EIF4E3: variants seen among roughly 807,000 people sequenced by gnomAD.
The protein encoded by EIF4E3 is eukaryotic translation initiation factor 4E type 3.
Under a neutral mutation model 31.7 loss-of-function variants are expected in EIF4E3, and 26 were observed. That is an observed-to-expected ratio of 0.82 (90% CI 0.60 to 1.14). The LOEUF is 1.14. Among genes scored for constraint, EIF4E3 ranks in the 50% most tolerant of loss-of-function variants. EIF4E3 has a pLI of 0.00. For missense variants in EIF4E3, 304 were observed against 270.9 expected (o/e 1.12, Z -0.86); for synonymous variants, 128 against 107.7 (o/e 1.19, Z -1.17).
chr3:71,740,378 TTAAAAC>T (rs760375458), intron 1 of EIF4E3, among the ~76,000 whole-genome samples: 4 of 152,160 alleles, frequency 2.6e-5, no homozygotes, highest in African/African-American at 4.8e-5. Context: ...CAACAATAGA[TTAAAAC>T]TAAAGGACAG....
chr3:71,722,028 G>A (rs866785424), intron 1 of EIF4E3, among the ~76,000 whole-genome samples: 1 of 149,882 alleles, frequency 6.7e-6, no homozygotes, highest in Admixed American at 6.7e-5. Flanking sequence ...GGGAGAAAAG[G>A]GTCCTGGGTG....
chr3:71,754,098 G>T (rs2049972009), upstream of EIF4E3: 1 of 1,374,894 alleles, frequency 7.3e-7, no homozygotes, highest in Non-Finnish European at 9.5e-7. The surrounding 1 kb of genome is among the most constrained non-coding windows in gnomAD (Gnocchi z 5.8). Context: ...CGAGGCGGCC[G>T]CCCTGGGCCT....
At chr3:71,696,862 T>TAAGCCA (rs2049145325) in intron 3 of EIF4E3, among the ~76,000 whole-genome samples, 1 of 151,436 alleles carries the variant, frequency 6.6e-6, no homozygotes, top group African/African-American at 2.4e-5. Flanking sequence ...ACTACAGGCG[T>TAAGCCA]CCGCCACCAA....
intron 2 of EIF4E3, among the ~76,000 whole-genome samples, chr3:71,701,919 A>G (rs1467924958): frequency 6.6e-6 from 1 of 152,180 alleles, no homozygotes; most frequent in Non-Finnish European, 1.5e-5. Flanking sequence ...TCAAACACCC[A>G]TCTGCCTCTA....
At position 71,680,036 on chromosome 3, in the gene EIF4E3, T is replaced by C. The variant is rs1267385003; in HGVS notation, c.*4646A>G. 1.3e-5 allele frequency: 2 copies of C among 152,230 alleles called. No individual in the cohort carries two copies. The highest frequency in any genetic ancestry group is 1.9e-4 in the East Asian group (1 of 5,200). The allele number at this position is 152,230 out of a possible 1,614,324, so 9.4% of individuals were successfully genotyped here. A position where few individuals can be genotyped will look rare whatever the true frequency, so the allele number is the denominator to read the frequency against. On this transcript the variant is annotated 3_prime_UTR_variant, in exon 7 of 7. Transcript: ENST00000425534. ...ACTCTGTATTAAAGGCTTTATATTATGGACTTCCAGGGATGGGCTCCCATG... is the reference window on the plus strand; with the variant it reads ...ACTCTGTATTAAAGGCTTTATATTACGGACTTCCAGGGATGGGCTCCCATG...
chr3:71,703,266 A>T (rs185485197), intron 2 of EIF4E3, among the ~76,000 whole-genome samples: 370 of 152,306 alleles, frequency 2.4e-3, no homozygotes, highest in Non-Finnish European at 4.4e-3. Context: ...TTTTGACCAC[A>T]GCAATCCACT....
At chr3:71,738,633 G>A (rs1014849780) in intron 1 of EIF4E3, among the ~76,000 whole-genome samples, 5 of 151,978 alleles carry the variant, frequency 3.3e-5, no homozygotes, top group South Asian at 2.1e-4. Flanking sequence ...TATGTGCACC[G>A]AACAAGAGAG....
intron 1 of EIF4E3, among the ~76,000 whole-genome samples, chr3:71,745,571 A>G (rs557574149): frequency 1.3e-5 from 2 of 152,234 alleles, no homozygotes; most frequent in African/African-American, 2.4e-5. Flanking sequence ...CGACCAAATA[A>G]GAGAGAAAGG....
chr3:71,746,368 A>G (rs1375065015), intron 1 of EIF4E3, among the ~76,000 whole-genome samples: 1 of 152,256 alleles, frequency 6.6e-6, no homozygotes, highest in Non-Finnish European at 1.5e-5. Context: ...ATATAAAGCT[A>G]TTGGTTAAAT....
chr3:71,686,640 G>A (rs1292976197), intron 6 of EIF4E3, among the ~76,000 whole-genome samples: 1 of 151,482 alleles, frequency 6.6e-6, no homozygotes, highest in Admixed American at 6.6e-5. Flanking sequence ...GATCTGCAAG[G>A]AAATTACACT....
chr3:71,715,246 T>C (rs993779100), intron 1 of EIF4E3, among the ~76,000 whole-genome samples: 2 of 152,202 alleles, frequency 1.3e-5, no homozygotes, highest in Non-Finnish European at 2.9e-5. Context: ...ATGGTGCCCA[T>C]GCAAAGAAAC....
At chr3:71,754,752 A>T, upstream of EIF4E3, 1 of 1,360,216 alleles carries the variant, frequency 7.4e-7, no homozygotes. The surrounding 1 kb of genome is among the most constrained non-coding windows in gnomAD (Gnocchi z 5.8). Flanking sequence ...CCCGGGCGCC[A>T]CCGGCCAGGC....
intron 1 of EIF4E3, among the ~76,000 whole-genome samples, chr3:71,716,530 G>C (rs1056001619): frequency 2.6e-5 from 4 of 152,166 alleles, no homozygotes; most frequent in Admixed American, 1.3e-4. Flanking sequence ...ACCGTGCCCG[G>C]CCCATTTTAT....
chr3:71,688,808 C>A (rs1429224206), intron 6 of EIF4E3, among the ~76,000 whole-genome samples: 1 of 152,150 alleles, frequency 6.6e-6, no homozygotes, highest in East Asian at 1.9e-4. Context: ...AGCCAATAAG[C>A]AACTTCTGCA....
downstream of EIF4E3, among the ~76,000 whole-genome samples, chr3:71,670,414 C>A (rs1054093175): frequency 6.6e-6 from 1 of 152,044 alleles, no homozygotes; most frequent in African/African-American, 2.4e-5. Context: ...TCCATTGCAC[C>A]CCCCCAACCC....
At chr3:71,729,798 ATGTGTGTGTGTGTG>A (rs3066626), upstream of EIF4E3, among the ~76,000 whole-genome samples, 6,976 of 129,762 alleles carry the variant, frequency 0.054, 420 homozygotes, top group African/African-American at 0.16. Flanking sequence ...TTCCAATAGA[ATGTGTGTGTGTGTG>A]TGTGTGTGTG....
chr3:71,699,954 C>A (rs1223394091), intron 2 of EIF4E3, among the ~76,000 whole-genome samples: 3 of 152,174 alleles, frequency 2.0e-5, no homozygotes, highest in African/African-American at 7.2e-5. Flanking sequence ...AAGCGGATCA[C>A]TTGAGCCCAG....
intron 5 of EIF4E3, among the ~76,000 whole-genome samples, chr3:71,691,062 C>A (rs1016190163): frequency 6.6e-6 from 1 of 152,122 alleles, no homozygotes; most frequent in Non-Finnish European, 1.5e-5. Context: ...AAATTTGCAG[C>A]AAAATGAAAG....
rs190018524 is a variant in EIF4E3 at position 71,700,140 on chromosome 3, A to T, written c.250-432T>A. On this transcript the variant is annotated intron_variant, in intron 2 of 6. Transcript: ENST00000425534. ...AAGTGAGCCAAGATCGCACCACTGT[A>T]TTCCAACTTGGGCAACAGGAGTGAG... 2.9e-3 allele frequency among the ~76,000 whole-genome samples: 440 copies of T among 152,322 alleles called. 3 individuals carry two copies. Among genetic ancestry groups the T allele is most frequent in the Middle Eastern group, 0.01 (3 of 294 alleles).
Sources: gnomAD v4.1 joint callset for allele counts (sites outside exome capture counted in the v4.1 genomes callset) on GRCh38, gnomAD v4.1.1 for gene constraint, Gnocchi (gnomAD v3.1) non-coding constraint, MANE v1.5 for transcripts, NCBI Gene and HGNC (gene_info 2026-07-23, HGNC 2026-07-21) for gene names.